Variants in ATP6V1B2 observed in about 807,000 individuals in gnomAD.
ATP6V1B2 encodes the protein ATPase H+ transporting V1 subunit B2.
ATP6V1B2 carries 23 observed loss-of-function variants against 66.7 expected under a neutral mutation model. The ratio of observed to expected loss-of-function variants is 0.34; its 90% CI spans 0.25 to 0.49. The LOEUF is 0.49. ATP6V1B2 is among the 20% of genes least tolerant of loss of function. The probability of loss-of-function intolerance (pLI) is 0.99; values close to 1 mark genes in which losing one functional copy is unlikely to be tolerated. For synonymous variants in ATP6V1B2, 278 were observed against 236.7 expected, an observed-to-expected ratio of 1.17 and a Z score of -1.60; for missense variants, 478 against 650.8, an observed-to-expected ratio of 0.73 and a Z score of 2.89.
intron 2 of ATP6V1B2, among the ~76,000 whole-genome samples, chr8:20,205,271 T>C (rs1474280178): frequency 6.6e-6 from 1 of 152,190 alleles, no homozygotes; most frequent in Non-Finnish European, 1.5e-5. Context: ...TAAATATTAG[T>C]AAGTATATTA....
chr8:20,218,120 C>G, intron 12 of ATP6V1B2, 33 bp from the exon 13 acceptor site: 2 of 1,605,774 alleles, frequency 1.2e-6, no homozygotes, highest in Non-Finnish European at 8.5e-7. Flanking sequence ...TTGAGAGCTT[C>G]TCTCTGCTGA....
chr8:20,201,275 A>T (rs1442937125), intron 1 of ATP6V1B2, among the ~76,000 whole-genome samples: 1 of 152,214 alleles, frequency 6.6e-6, no homozygotes, highest in Non-Finnish European at 1.5e-5. Flanking sequence ...GTCAATATGT[A>T]GGTAAATAGA....
At chr8:20,219,559 G>A (rs1051079026) in intron 13 of ATP6V1B2, among the ~76,000 whole-genome samples, 5 of 152,112 alleles carry the variant, frequency 3.3e-5, no homozygotes, top group Non-Finnish European at 7.4e-5. Context: ...TGTACACTTA[G>A]GATGTGCACC....
chr8:20,197,580 C>T (rs758248132), intron 1 of ATP6V1B2, 38 bp downstream of exon 1: 2 of 1,340,146 alleles, frequency 1.5e-6, no homozygotes, highest in Non-Finnish European at 1.9e-6. Context: ...GGTCTTTGCT[C>T]CCTAGCCTAG....
At chr8:20,204,623 A>T (rs1290383990) in intron 2 of ATP6V1B2, 84 bp downstream of exon 2, 1 of 1,244,040 alleles carries the variant, frequency 8.0e-7, no homozygotes, top group Non-Finnish European at 1.1e-6. Context: ...AATTTTTGTT[A>T]TGATTTTTAA....
At chr8:20,207,630 A>C (rs1219923687) in intron 2 of ATP6V1B2, among the ~76,000 whole-genome samples, 1 of 152,176 alleles carries the variant, frequency 6.6e-6, no homozygotes, top group South Asian at 2.1e-4. Context: ...TGTTTTCCAA[A>C]CAAGACACAA....
At chr8:20,217,433 A>G (rs926977307) in intron 12 of ATP6V1B2, 109 bp downstream of exon 12, 8 of 975,702 alleles carry the variant, frequency 8.2e-6, no homozygotes, top group Non-Finnish European at 1.3e-5. Flanking sequence ...TCCACATGGA[A>G]TTTTAGTGTA....
chr8:20,203,869 G>C, intron 1 of ATP6V1B2: 1 of 404,454 alleles, frequency 2.5e-6, no homozygotes, highest in South Asian at 1.8e-5. Flanking sequence ...TTGACCCCCT[G>C]GCCTTTCTTT....
chr8:20,211,709 G>T lies in ATP6V1B2; in HGVS notation c.661G>T (p.Asp221Tyr). 6.2e-7 allele frequency: 1 copy of T among 1,612,458 alleles called. No homozygotes were observed. Among genetic ancestry groups the T allele is most frequent in the South Asian group, 1.1e-5 (1 of 90,656 alleles). ...GGTAAAGAAATCCAAAGATGTAGTA[G>T]ACTACAGTGAGGAAAATTTTGCAAT... The part of the protein sequence containing the change: ...GLVKKSKDVV[D>Y]YSEENFAIVF... Residue 221 changes from aspartate to tyrosine, a missense_variant, in exon 7 of 14, where the codon GAC (aspartate) becomes TAC (tyrosine). Around this residue, in one of 2 missense-constraint regions of ATP6V1B2, gnomAD observed 326 missense variants for 545.6 expected, o/e 0.60. Coordinates refer to ENST00000276390, the MANE Select transcript of ATP6V1B2 (RefSeq NM_001693.4).
Position 20,197,503 on chromosome 8 carries a change from C to T in ATP6V1B2, c.97C>T (p.Leu33=), listed in dbSNP as rs1227870010. ...GPAVGAREQA[L]AVSRNYLSQP... ...GGCGGTGGGAGCTCGGGAGCAGGCG[C>T]TGGCAGTCAGTCGGAACTACCTCTC... The change falls in exon 1 of 14, where the codon CTG becomes TTG. Residue 33 remains leucine (L), a synonymous_variant. Transcript: ENST00000276390. 1 of 1,489,098 alleles carries T rather than the reference C, an allele frequency of 6.7e-7. No individual in the cohort carries two copies. Among genetic ancestry groups the T allele is most frequent in the Non-Finnish European group, 8.9e-7 (1 of 1,117,784 alleles). The allele number at this position is 1,489,098 out of a possible 1,614,324, so 92.2% of individuals were successfully genotyped here.
intron 2 of ATP6V1B2, among the ~76,000 whole-genome samples, chr8:20,206,136 T>C (rs1257909589): frequency 2.0e-5 from 3 of 152,236 alleles, no homozygotes; most frequent in South Asian, 2.1e-4. Flanking sequence ...AACATTCCCA[T>C]TGAAATCAGT....
rs577956380 is a variant in ATP6V1B2, at chr8:20,220,278, G to A, written c.1412G>A (p.Arg471His). Residue 471 changes from arginine to histidine, a missense_variant, in exon 14 of 14, where the codon CGC becomes CAC. Arg to His is a conservative substitution (Grantham distance 29). Around this residue, in one of 2 missense-constraint regions of ATP6V1B2, gnomAD observed 326 missense variants for 545.6 expected, o/e 0.60. Transcript: ENST00000276390. Reference sequence around the variant, plus strand: ...ATTTTTTAAGGTCCTTACGAAAATCGCACTGTCTTTGAGACTTTGGACATT... The same window carrying A: ...ATTTTTTAAGGTCCTTACGAAAATCACACTGTCTTTGAGACTTTGGACATT... ...NFIAQGPYEN[R>H]TVFETLDIGW... is the part of the protein sequence containing the mutation. The A allele has an allele frequency of 6.3e-6, 10 of 1,595,400 alleles. No individual in the cohort carries two copies. Among genetic ancestry groups the A allele is most frequent in the East Asian group, 2.3e-5 (1 of 44,412 alleles).
intron 4 of ATP6V1B2, 30 bp downstream of exon 4, chr8:20,210,469 G>A: frequency 6.2e-7 from 1 of 1,608,690 alleles, no homozygotes; most frequent in Non-Finnish European, 8.5e-7. Flanking sequence ...TCTAAGCCGA[G>A]ATCTGTTTCC....
intron 8 of ATP6V1B2, 88 bp downstream of exon 8, chr8:20,212,287 A>C: frequency 2.4e-6 from 3 of 1,236,116 alleles, no homozygotes; most frequent in Non-Finnish European, 3.5e-6. Flanking sequence ...TGGTAATAAC[A>C]GCATTTGGAC....
intron 6 of ATP6V1B2, 167 bp from the exon 7 acceptor site, chr8:20,211,485 C>T: frequency 1.6e-6 from 2 of 1,265,394 alleles, no homozygotes; most frequent in Non-Finnish European, 2.1e-6. Context: ...TTCTTGCTTA[C>T]CCTTGCATAT....
chr8:20,198,439 G>C (rs78123926), intron 1 of ATP6V1B2, among the ~76,000 whole-genome samples: 2,570 of 152,322 alleles, frequency 0.017, 104 homozygotes, highest in African/African-American at 0.059. Flanking sequence ...TAATGAACTA[G>C]GTTTAAGTGG....
rs142924696 is a variant in ATP6V1B2 at position 20,214,931 on chromosome 8, G to A, written c.1041G>A (p.Ser347=). Residue 347 remains serine, a synonymous_variant, in exon 10 of 14, where the codon TCG becomes TCA. Transcript: ENST00000276390. ...RAGRVEGRNG[S]ITQIPILTMP... Reference sequence around the variant, plus strand: ...GGCGAGTGGAAGGGAGAAACGGCTCGATTACTCAAATCCCTATTCTAACCA... The same window carrying A: ...GGCGAGTGGAAGGGAGAAACGGCTCAATTACTCAAATCCCTATTCTAACCA... The A allele has an allele frequency of 3.9e-4, 624 of 1,613,460 alleles. 5 individuals carry two copies. In the African/African-American group the frequency reaches 6.7e-3, roughly 17 times the overall value.
intron 1 of ATP6V1B2, among the ~76,000 whole-genome samples, chr8:20,201,008 T>C (rs2072679942): frequency 6.6e-6 from 1 of 152,236 alleles, no homozygotes; most frequent in South Asian, 2.1e-4. Flanking sequence ...AGCAATATCC[T>C]ATCCTGCAGG....
chr8:20,209,643 T>C (rs2072773403), intron 3 of ATP6V1B2, 112 bp downstream of exon 3: 1 of 1,028,682 alleles, frequency 9.7e-7, no homozygotes, highest in Non-Finnish European at 1.5e-6. Flanking sequence ...TCTTTAGAGA[T>C]TGGTTACCGG....
Sources: allele counts gnomAD v4.1 joint callset (sites outside exome capture counted in the v4.1 genomes callset), GRCh38; gene constraint gnomAD v4.1.1; regional missense constraint gnomAD v4.1.1; transcripts MANE v1.5; gene names NCBI Gene and HGNC (gene_info 2026-07-23, HGNC 2026-07-21).